Variants in MAP4K3 observed in about 807,000 individuals in gnomAD.
MAP4K3 encodes the protein mitogen-activated protein kinase kinase kinase kinase 3, also known as MAPK/ERK kinase kinase kinase 3.
Under a neutral mutation model 143.5 loss-of-function variants are expected in MAP4K3, and 94 were observed. The ratio of observed to expected loss-of-function variants is 0.65; its 90% CI spans 0.55 to 0.78. The LOEUF (loss-of-function observed/expected upper bound fraction) is 0.78. MAP4K3 is among the 30% of genes least tolerant of loss of function. The pLI is 0.00. For missense variants in MAP4K3, 1,077 were observed against 1,068.1 expected (o/e 1.01, Z -0.12); for synonymous variants, 416 against 347.2 (o/e 1.20, Z -2.20).
chr2:39,285,168 A>C (rs1296658742), intron 21 of MAP4K3, among the ~76,000 whole-genome samples: 1 of 152,192 alleles, frequency 6.6e-6, no homozygotes, highest in Admixed American at 6.5e-5. Context: ...CTGGGATTAC[A>C]GATGTGACGG....
At chr2:39,284,348 A>C (rs1681673022) in intron 21 of MAP4K3, among the ~76,000 whole-genome samples, 1 of 151,850 alleles carries the variant, frequency 6.6e-6, no homozygotes, top group Non-Finnish European at 1.5e-5. Flanking sequence ...TGTAGTAGAG[A>C]TGGGGTTTTA....
intron 1 of MAP4K3, among the ~76,000 whole-genome samples, chr2:39,393,206 T>G (rs1362164388): frequency 6.6e-6 from 1 of 152,194 alleles, no homozygotes; most frequent in African/African-American, 2.4e-5. Flanking sequence ...ACTGAGGACT[T>G]CACCTGTGAA....
chr2:39,288,159 G>A lies in MAP4K3; in HGVS notation c.1436C>T (p.Pro479Leu). 1 of 1,614,092 alleles carries A rather than the reference G, an allele frequency of 6.2e-7. No individual in the cohort carries two copies. Among genetic ancestry groups the A allele is most frequent in the Non-Finnish European group, 8.5e-7 (1 of 1,180,002 alleles). Reference sequence around the variant, plus strand: ...TTTGTGTGGGGGTAATCTGGGAGGTGGTGGTCTAGGTGGAACTTGGGATGG... The same window carrying A: ...TTTGTGTGGGGGTAATCTGGGAGGTAGTGGTCTAGGTGGAACTTGGGATGG... ...AKPSQVPPRPPPPRLPPHKPV... is the reference protein window; with the variant it reads ...AKPSQVPPRPLPPRLPPHKPV... Residue 479 changes from proline (P) to leucine (L), a missense_variant, in exon 20 of 34, where the codon CCA (proline) becomes CTA (leucine). Transcript: ENST00000263881.
At chr2:39,350,670 C>G (rs13421356) in intron 3 of MAP4K3, among the ~76,000 whole-genome samples, 1 of 152,124 alleles carries the variant, frequency 6.6e-6, no homozygotes, top group South Asian at 2.1e-4. Context: ...TCCTGGATTA[C>G]TGTAATAAAT....
At chr2:39,433,888 T>G (rs1451514362) in intron 1 of MAP4K3, among the ~76,000 whole-genome samples, 2 of 152,154 alleles carry the variant, frequency 1.3e-5, no homozygotes, top group Admixed American at 1.3e-4. Context: ...AAAATTTGAG[T>G]CATTTAGTCA....
At chr2:39,294,095 G>C (rs1682169970) in intron 16 of MAP4K3, 1 of 152,118 alleles carries the variant, frequency 6.6e-6, no homozygotes, top group Non-Finnish European at 1.5e-5. Flanking sequence ...GCTAATAGGG[G>C]AGATAAATAT....
chr2:39,391,823 A>G (rs557742274), intron 1 of MAP4K3, among the ~76,000 whole-genome samples: 12 of 152,260 alleles, frequency 7.9e-5, no homozygotes, highest in African/African-American at 2.9e-4. Flanking sequence ...ATTTCTGCAC[A>G]TGGAGTTGGG....
chr2:39,368,305 A>T (rs55967570), intron 2 of MAP4K3, among the ~76,000 whole-genome samples: 1 of 151,870 alleles, frequency 6.6e-6, no homozygotes, highest in East Asian at 1.9e-4. Flanking sequence ...AAGGGAAGTG[A>T]AGAATACAAT....
At chr2:39,286,462 T>C (rs1299297065) in intron 21 of MAP4K3, among the ~76,000 whole-genome samples, 1 of 152,222 alleles carries the variant, frequency 6.6e-6, no homozygotes, top group Non-Finnish European at 1.5e-5. Context: ...TTTCTTTATC[T>C]ATGTCCTTCT....
intron 3 of MAP4K3, among the ~76,000 whole-genome samples, chr2:39,353,239 C>CT (rs926405163): frequency 6.6e-6 from 1 of 152,186 alleles, no homozygotes; most frequent in African/African-American, 2.4e-5. Flanking sequence ...CCTTACAGCT[C>CT]TAACATCCTA....
intron 1 of MAP4K3, among the ~76,000 whole-genome samples, chr2:39,422,408 A>G (rs1163487900): frequency 6.6e-6 from 1 of 152,202 alleles, no homozygotes; most frequent in African/African-American, 2.4e-5. Flanking sequence ...AGGAAAGACC[A>G]TGTATAGACA....
chr2:39,335,366 G>C (rs1301383450), intron 6 of MAP4K3, among the ~76,000 whole-genome samples: 1 of 152,194 alleles, frequency 6.6e-6, no homozygotes, highest in East Asian at 1.9e-4. Flanking sequence ...ATAATATTAT[G>C]GTGGCTTAGA....
chr2:39,392,048 GGTA>G (rs1341807085), intron 1 of MAP4K3, among the ~76,000 whole-genome samples: 4 of 151,864 alleles, frequency 2.6e-5, no homozygotes, highest in Non-Finnish European at 4.4e-5. Flanking sequence ...GGGCATGGTA[GGTA>G]GCGCGCGCCT....
chr2:39,264,214 C>G (rs1680682897), intron 28 of MAP4K3, among the ~76,000 whole-genome samples: 1 of 152,168 alleles, frequency 6.6e-6, no homozygotes, highest in Non-Finnish European at 1.5e-5. Flanking sequence ...GAGAACAAAA[C>G]AATGTTTGCC....
At chr2:39,293,073 T>C (rs942500072) in intron 17 of MAP4K3, among the ~76,000 whole-genome samples, 157 bp downstream of exon 17, 3 of 151,996 alleles carry the variant, frequency 2.0e-5, no homozygotes, top group Admixed American at 6.6e-5. Flanking sequence ...GCTATGATCA[T>C]ACCACTGCAA....
intron 9 of MAP4K3, 40 bp from the exon 10 acceptor site, chr2:39,326,001 T>C (rs760221313): frequency 1.3e-6 from 2 of 1,532,158 alleles, no homozygotes; most frequent in Non-Finnish European, 8.9e-7. Context: ...TTTTAATATT[T>C]CACATTTTTA....
intron 21 of MAP4K3, among the ~76,000 whole-genome samples, chr2:39,286,399 T>A (rs1269806731): frequency 6.6e-6 from 1 of 152,112 alleles, no homozygotes; most frequent in Non-Finnish European, 1.5e-5. Flanking sequence ...GGCCCAGGGG[T>A]TAGGGACCCC....
intron 3 of MAP4K3, among the ~76,000 whole-genome samples, chr2:39,349,309 C>A (rs1251402655): frequency 1.3e-5 from 2 of 152,046 alleles, no homozygotes; most frequent in African/African-American, 4.8e-5. Flanking sequence ...TAATTGCATT[C>A]CAAATTTATT....
chr2:39,322,912 C>T (rs1683360367), intron 12 of MAP4K3, among the ~76,000 whole-genome samples: 1 of 151,998 alleles, frequency 6.6e-6, no homozygotes, highest in Non-Finnish European at 1.5e-5. Context: ...TCAGGTGATC[C>T]ACCTGCCTCG....
Sources: allele counts gnomAD v4.1 joint callset (sites outside exome capture counted in the v4.1 genomes callset), GRCh38; gene constraint gnomAD v4.1.1; transcripts MANE v1.5; gene names NCBI Gene and HGNC (gene_info 2026-07-23, HGNC 2026-07-21).